CES5A: variants seen among roughly 807,000 people sequenced by gnomAD.
CES5A encodes carboxylesterase 5.
A neutral mutation model predicts 62.9 loss-of-function variants in CES5A; 67 were observed. That is an observed-to-expected ratio of 1.07 (90% CI 0.88 to 1.31). The LOEUF (loss-of-function observed/expected upper bound fraction) is 1.31, where lower values mean the gene tolerates loss of function less well. Ranked by LOEUF, CES5A falls within the 50% of genes most tolerant of loss-of-function variation. The pLI is 0.00. For missense variants in CES5A, 748 were observed against 708.5 expected, an observed-to-expected ratio of 1.06 and a Z score of -0.63; for synonymous variants, 296 against 280.8, an observed-to-expected ratio of 1.05 and a Z score of -0.54.
chr16:55,909,039 T>C (rs1415269012), intron 1 of CES5A, among the ~76,000 whole-genome samples: 1 of 152,224 alleles, frequency 6.6e-6, no homozygotes, highest in African/African-American at 2.4e-5. Context: ...GAACGAATGC[T>C]CCACACTTGT....
chr16:55,923,171 A>C (rs1286840853), intron 1 of CES5A, among the ~76,000 whole-genome samples: 2 of 151,690 alleles, frequency 1.3e-5, no homozygotes, highest in African/African-American at 4.8e-5. Context: ...GAAAGAAATA[A>C]TAAAGATCAG....
At position 55,874,659 on chromosome 16, in the gene CES5A, A is replaced by G. The variant is rs181299700; in HGVS notation, c.73+490T>C. ...CTCATGCAGATACTTCCTGAAATCA[A>G]CTCGTCTACTTCCAGGAGCATAAAG... is the stretch of plus-strand genomic sequence containing the variant. On this transcript the variant is annotated intron_variant, in intron 1 of 12. Transcript: ENST00000290567. 6.5e-3 allele frequency among the ~76,000 whole-genome samples: 983 copies of G among 152,208 alleles called. 3 individuals carry two copies. Among genetic ancestry groups the G allele is most frequent in the Non-Finnish European group, 9.9e-3 (672 of 68,006 alleles).
chr16:55,895,514 G>T (rs2033922871), intron 1 of CES5A, among the ~76,000 whole-genome samples: 1 of 152,178 alleles, frequency 6.6e-6, no homozygotes, highest in Admixed American at 6.5e-5. Flanking sequence ...TATGGAGCCT[G>T]TTACTACTTT....
At chr16:55,913,847 A>G (rs2034119417) in intron 1 of CES5A, among the ~76,000 whole-genome samples, 1 of 152,208 alleles carries the variant, frequency 6.6e-6, no homozygotes, top group African/African-American at 2.4e-5. Context: ...CTACTGCCAT[A>G]TGGTGCCAGG....
At chr16:55,945,383 C>T (rs2034483896) in intron 2 of CES5A, among the ~76,000 whole-genome samples, 1 of 152,218 alleles carries the variant, frequency 6.6e-6, no homozygotes, top group Non-Finnish European at 1.5e-5. Flanking sequence ...TGTCTGACTC[C>T]AGGAGCGCTG....
In CES5A at chr16:55,863,362, C is replaced by T. The variant is rs1192075536; in HGVS notation, c.796G>A (p.Glu266Lys). The change falls in exon 6 of 13, where the codon GAG (glutamate) becomes AAG (lysine). Residue 266 changes from glutamate (E) to lysine (K), a missense_variant. Transcript: ENST00000290567. Reference protein sequence around the residue: ...IIPYLEAHDYEKSEDLQVVAH... With the variant: ...IIPYLEAHDYKKSEDLQVVAH... ...AGTATACGTACGTCCTCACTCTTCT[C>T]ATAATCATGGGCCTCCAGGTAAGGG... 9 of 1,574,366 alleles carry T rather than the reference C, an allele frequency of 5.7e-6. No homozygotes were observed. Among genetic ancestry groups the T allele is most frequent in the African/African-American group, 1.3e-5 (1 of 74,154 alleles).
chr16:55,885,416 G>GCC (rs2033805362), intron 1 of CES5A, among the ~76,000 whole-genome samples: 1 of 152,182 alleles, frequency 6.6e-6, no homozygotes, highest in Admixed American at 6.5e-5. Flanking sequence ...GATTAAACAT[G>GCC]CAAAGATTTT....
At chr16:55,956,018 T>G in exon 1 of CES5A, 3 of 950,222 alleles carry the variant, frequency 3.2e-6, no homozygotes, top group Non-Finnish European at 4.7e-6. Context: ...CACTTTCCTC[T>G]ACCGTTGCCA....
chr16:55,857,812 C>T (rs1394185893), intron 8 of CES5A, among the ~76,000 whole-genome samples: 3 of 152,096 alleles, frequency 2.0e-5, no homozygotes, highest in African/African-American at 4.8e-5. Flanking sequence ...TAAGATTAGC[C>T]CTATTTCACA....
chr16:55,913,103 C>T (rs1446639698), intron 1 of CES5A, among the ~76,000 whole-genome samples: 2 of 152,140 alleles, frequency 1.3e-5, no homozygotes, highest in African/African-American at 4.8e-5. Flanking sequence ...TCAGTTTCCC[C>T]GAGCATTCAG....
chr16:55,947,107 A>G (rs2034503687), intron 2 of CES5A, among the ~76,000 whole-genome samples: 1 of 152,236 alleles, frequency 6.6e-6, no homozygotes. Flanking sequence ...AGGTGGGATG[A>G]CACCTGGGAG....
At chr16:55,923,289 AAG>A (rs2034226875) in intron 1 of CES5A, among the ~76,000 whole-genome samples, 1 of 151,510 alleles carries the variant, frequency 6.6e-6, no homozygotes, top group Non-Finnish European at 1.5e-5. Context: ...CTAAGAAAAA[AAG>A]AGAGACAACT....
At chr16:55,934,910 A>G (rs1268586726) in intron 2 of CES5A, among the ~76,000 whole-genome samples, 2 of 151,290 alleles carry the variant, frequency 1.3e-5, no homozygotes, top group African/African-American at 4.9e-5. Context: ...CCCAAGAAGA[A>G]CCCGTGTTTT....
intron 1 of CES5A, among the ~76,000 whole-genome samples, chr16:55,898,004 A>G (rs1228943991): frequency 6.6e-6 from 1 of 152,224 alleles, no homozygotes; most frequent in East Asian, 1.9e-4. Flanking sequence ...CCCAGAATGT[A>G]AAGTTGAAAA....
intron 1 of CES5A, among the ~76,000 whole-genome samples, chr16:55,892,468 A>C (rs1204556046): frequency 6.6e-6 from 1 of 152,174 alleles, no homozygotes; most frequent in Non-Finnish European, 1.5e-5. Flanking sequence ...AATCTCTTTG[A>C]ATATTTTACA....
At chr16:55,954,474 A>C (rs1387997938) in intron 1 of CES5A, among the ~76,000 whole-genome samples, 1 of 152,178 alleles carries the variant, frequency 6.6e-6, no homozygotes, top group African/African-American at 2.4e-5. Flanking sequence ...CACATGCCCC[A>C]AAAAACCAGG....
rs548371656 is a variant in CES5A, at chr16:55,849,843, C to G, written c.1274-70G>C. On this transcript the variant is annotated intron_variant, in intron 10 of 12. Coordinates refer to ENST00000290567, the MANE Select transcript of CES5A (RefSeq NM_001143685.2). ...CAGGGGGCTGGCTCTGTGTCCCCAC[C>G]TATCAAGTCTTGGATGTATAGACCC... is the stretch of plus-strand genomic sequence containing the variant. 22 of 1,546,316 alleles carry G rather than the reference C, an allele frequency of 1.4e-5. No homozygotes were observed. The Admixed American group carries it at 2.8e-4, about 20-fold the overall frequency.
intron 2 of CES5A, among the ~76,000 whole-genome samples, chr16:55,948,929 C>A (rs1249516163): frequency 1.3e-5 from 2 of 152,100 alleles, no homozygotes; most frequent in African/African-American, 4.8e-5. Context: ...GAGTTGGGGA[C>A]AGTTGCAGAA....
intron 2 of CES5A, among the ~76,000 whole-genome samples, 185 bp downstream of exon 2, chr16:55,873,648 G>A (rs141844515): frequency 1.3e-5 from 2 of 152,340 alleles, no homozygotes; most frequent in East Asian, 3.9e-4. Context: ...GATGCCTCCA[G>A]TGACCTGGCC....
Sources: gnomAD v4.1 joint callset for allele counts (sites outside exome capture counted in the v4.1 genomes callset) on GRCh38, gnomAD v4.1.1 for gene constraint, MANE v1.5 for transcripts, NCBI Gene and HGNC (gene_info 2026-07-23, HGNC 2026-07-21) for gene names.